The following ADAMTSL1 variants were observed in gnomAD, a reference collection of about 807,000 sequenced individuals.
ADAMTSL1 encodes ADAMTS like 1.
A neutral mutation model predicts 201.8 loss-of-function variants in ADAMTSL1; 126 were observed. The ratio of observed to expected loss-of-function variants is 0.62; its 90% CI spans 0.54 to 0.72. The LOEUF (loss-of-function observed/expected upper bound fraction) is 0.72. ADAMTSL1 is among the 30% of genes least tolerant of loss of function. ADAMTSL1 has a pLI of 0.00. For missense variants in ADAMTSL1, 2,679 were observed against 2,277.8 expected, an observed-to-expected ratio of 1.18 and a Z score of -3.59; for synonymous variants, 1,121 against 903.4, an observed-to-expected ratio of 1.24 and a Z score of -4.32.
chr9:18,680,905 A>G (rs1830435250), intron 11 of ADAMTSL1: 1 of 223,028 alleles, frequency 4.5e-6, no homozygotes, highest in Non-Finnish European at 9.0e-6. Flanking sequence ...TTTGTATCCG[A>G]AAGGGTCTAA....
chr9:18,292,032 C>A (rs1833294825), intron 2 of ADAMTSL1, among the ~76,000 whole-genome samples: 1 of 152,078 alleles, frequency 6.6e-6, no homozygotes, highest in South Asian at 2.1e-4. Flanking sequence ...TGGAGAAGAA[C>A]AGCAGAGCTG....
At chr9:18,232,717 A>T (rs563626431) in intron 2 of ADAMTSL1, among the ~76,000 whole-genome samples, 1 of 152,234 alleles carries the variant, frequency 6.6e-6, no homozygotes, top group South Asian at 2.1e-4. Context: ...AAATTTGTAC[A>T]CCAAACTTGT....
chr9:18,867,938 T>C (rs1294060484), intron 23 of ADAMTSL1, among the ~76,000 whole-genome samples: 1 of 152,206 alleles, frequency 6.6e-6, no homozygotes, highest in Non-Finnish European at 1.5e-5. Context: ...AATACATACA[T>C]CTTAACCGCA....
rs1826877945 is a variant in ADAMTSL1 at position 18,150,880 on chromosome 9, AG to A, written c.88-12979del. ...AGAAGTTTGGGGAGGCAGTGATTTT[AG>A]GGTATTCAAATCTAAAGGACTTATT... is the stretch of plus-strand genomic sequence containing the variant. On this transcript the variant is annotated intron_variant, in intron 1 of 29. Transcript: ENST00000680146. 2.0e-5 allele frequency among the ~76,000 whole-genome samples: 3 copies of A among 152,058 alleles called. No homozygotes were observed. The South Asian group carries it at 6.2e-4, about 32-fold the overall frequency.
chr9:18,134,207 C>T (rs906149945), intron 1 of ADAMTSL1, among the ~76,000 whole-genome samples: 1 of 152,100 alleles, frequency 6.6e-6, no homozygotes, highest in Non-Finnish European at 1.5e-5. Context: ...GGGGCTCTAA[C>T]CTGAAAGGTT....
At chr9:18,473,031 C>T (rs1821278830), upstream of ADAMTSL1, among the ~76,000 whole-genome samples, 3 of 152,162 alleles carry the variant, frequency 2.0e-5, no homozygotes, top group South Asian at 6.2e-4. Flanking sequence ...GTTGCTGTTG[C>T]TGGCCTTGTC....
chr9:18,721,716 G>A (rs1194374725), intron 15 of ADAMTSL1, 51 bp downstream of exon 15: 1 of 1,582,900 alleles, frequency 6.3e-7, no homozygotes, highest in Non-Finnish European at 8.6e-7. Context: ...ACAGAACTGG[G>A]CGCATCTTTC....
intron 1 of ADAMTSL1, among the ~76,000 whole-genome samples, chr9:17,971,363 T>G (rs1459970052): frequency 6.6e-6 from 1 of 152,066 alleles, no homozygotes; most frequent in African/African-American, 2.4e-5. Flanking sequence ...TTTTGTGACT[T>G]AAATTTGTTT....
chr9:18,394,103 G>C (rs1011562102), intron 2 of ADAMTSL1, among the ~76,000 whole-genome samples: 8 of 152,118 alleles, frequency 5.3e-5, no homozygotes, highest in Non-Finnish European at 7.4e-5. Flanking sequence ...TGATGGTTAC[G>C]CAGCGAAAGC....
At chr9:18,165,734 A>G (rs1363751673) in intron 2 of ADAMTSL1, among the ~76,000 whole-genome samples, 2 of 151,950 alleles carry the variant, frequency 1.3e-5, no homozygotes, top group Non-Finnish European at 2.9e-5. Flanking sequence ...CAGTCTCCCA[A>G]TAAGTGTGTG....
At chr9:18,380,759 T>G (rs907197936) in intron 2 of ADAMTSL1, among the ~76,000 whole-genome samples, 3 of 152,220 alleles carry the variant, frequency 2.0e-5, no homozygotes, top group Admixed American at 2.0e-4. Flanking sequence ...TGTTTTCATG[T>G]TTTTCTCATT....
chr9:18,415,304 GA>G (rs1818626336), intron 2 of ADAMTSL1, among the ~76,000 whole-genome samples: 2 of 152,132 alleles, frequency 1.3e-5, no homozygotes, highest in Admixed American at 1.3e-4. Context: ...CAGTTTATAT[GA>G]TTGTGTTTCA....
At chr9:18,043,128 C>T (rs1045108823) in intron 1 of ADAMTSL1, among the ~76,000 whole-genome samples, 4 of 152,098 alleles carry the variant, frequency 2.6e-5, no homozygotes, top group Non-Finnish European at 5.9e-5. Context: ...CCACATGTCA[C>T]AATTACCTGG....
At chr9:18,764,517 CAAG>C in intron 16 of ADAMTSL1, among the ~76,000 whole-genome samples, 1 of 152,262 alleles carries the variant, frequency 6.6e-6, no homozygotes, top group South Asian at 2.1e-4. Context: ...CTAGCCAGGA[CAAG>C]AAGTGGCTTT....
chr9:18,837,757 G>C (rs931030580), intron 23 of ADAMTSL1, among the ~76,000 whole-genome samples: 5 of 152,182 alleles, frequency 3.3e-5, no homozygotes, highest in African/African-American at 1.2e-4. Flanking sequence ...CAGCAGAATT[G>C]AGTACGTGTG....
intron 26 of ADAMTSL1, among the ~76,000 whole-genome samples, chr9:18,897,216 A>T (rs969074924): frequency 6.6e-6 from 1 of 152,158 alleles, no homozygotes; most frequent in African/African-American, 2.4e-5. Context: ...CAGATGTCTG[A>T]TCTCTCCCTG....
At chr9:18,646,857 T>G (rs374951499) in intron 7 of ADAMTSL1, among the ~76,000 whole-genome samples, 63 of 152,150 alleles carry the variant, frequency 4.1e-4, no homozygotes, top group East Asian at 9.7e-4. Context: ...TCTCTTTTTT[T>G]GTTGTGTCTC....
intron 1 of ADAMTSL1, among the ~76,000 whole-genome samples, chr9:18,124,385 C>G (rs1240234746): frequency 6.6e-6 from 1 of 152,034 alleles, no homozygotes; most frequent in Non-Finnish European, 1.5e-5. Flanking sequence ...CCGACAGCCA[C>G]TTCTATATCT....
chr9:18,646,904 C>T (rs192576658), intron 7 of ADAMTSL1, among the ~76,000 whole-genome samples: 70 of 152,116 alleles, frequency 4.6e-4, no homozygotes, highest in African/African-American at 1.6e-3. Flanking sequence ...CAGGCCTCAT[C>T]AAATGAGTTA....
Sources: allele counts gnomAD v4.1 joint callset (sites outside exome capture counted in the v4.1 genomes callset), GRCh38; gene constraint gnomAD v4.1.1; transcripts MANE v1.5; gene names NCBI Gene and HGNC (gene_info 2026-07-23, HGNC 2026-07-21).